The following STAG1 variants were observed in gnomAD, a reference collection of about 807,000 sequenced individuals.
The protein encoded by STAG1 is cohesin subunit SA-1.
In STAG1, 26 loss-of-function variants were observed where a neutral mutation model predicts 170.9. That is an observed-to-expected ratio of 0.15 (90% CI 0.11 to 0.21). The LOEUF is 0.21. Ranked by LOEUF, STAG1 falls within the 10% of genes least tolerant of loss-of-function variation. The probability of loss-of-function intolerance (pLI) is 1.00; values close to 1 mark genes in which losing one functional copy is unlikely to be tolerated. For missense variants in STAG1, 964 were observed against 1,509.5 expected (o/e 0.64, Z 5.99); for synonymous variants, 514 against 497.7 (o/e 1.03, Z -0.44).
chr3:136,719,752 T>C (rs1933118268), intron 1 of STAG1, among the ~76,000 whole-genome samples: 1 of 151,898 alleles, frequency 6.6e-6, no homozygotes, highest in African/African-American at 2.4e-5. Context: ...AGCTAAATAC[T>C]TGACAGGGCA....
intron 9 of STAG1, among the ~76,000 whole-genome samples, chr3:136,494,926 T>C (rs1240990711): frequency 1.3e-5 from 2 of 152,312 alleles, no homozygotes; most frequent in South Asian, 4.1e-4. Context: ...TTACAATCCC[T>C]ATGATAATTT....
chr3:136,662,982 T>C (rs369450161), intron 1 of STAG1, among the ~76,000 whole-genome samples: 1 of 151,786 alleles, frequency 6.6e-6, no homozygotes, highest in Non-Finnish European at 1.5e-5. Context: ...ACCTGGGAGG[T>C]GGAGGTTGCA....
intron 4 of STAG1, among the ~76,000 whole-genome samples, chr3:136,593,588 C>T (rs986131355): frequency 1.3e-5 from 2 of 152,184 alleles, no homozygotes; most frequent in South Asian, 4.1e-4. Flanking sequence ...AATTATTTCA[C>T]AATCCACCAG....
At chr3:136,359,929 T>C (rs767648587) in intron 26 of STAG1, among the ~76,000 whole-genome samples, 1 of 152,232 alleles carries the variant, frequency 6.6e-6, no homozygotes, top group Non-Finnish European at 1.5e-5. Context: ...AAATATAGGG[T>C]TAAGAGGTTT....
Position 136,366,977 on chromosome 3 carries a change from T to C in STAG1, c.2651A>G (p.His884Arg), listed in dbSNP as rs1187817250. 1.2e-6 allele frequency: 2 copies of C among 1,609,884 alleles called. No individual in the cohort carries two copies. The highest frequency in any genetic ancestry group is 1.7e-6 in the Non-Finnish European group (2 of 1,177,178). ...KLIIYDIVDM[H>R]AAADIFKHYM... Reference sequence around the variant, plus strand: ...GTGTTTGAAGATGTCTGCAGCTGCATGCATGTCAACAATGTCATAAATGAT... The same window carrying C: ...GTGTTTGAAGATGTCTGCAGCTGCACGCATGTCAACAATGTCATAAATGAT... Residue 884 changes from histidine to arginine, a missense_variant, in exon 25 of 34, where the codon CAT becomes CGT. This residue lies in a region of STAG1 where 149 missense variants were observed against 301.3 expected (regional missense o/e 0.49). Transcript: ENST00000383202.
At chr3:136,650,037 G>T (rs1321666501) in intron 1 of STAG1, among the ~76,000 whole-genome samples, 1 of 152,002 alleles carries the variant, frequency 6.6e-6, no homozygotes, top group Non-Finnish European at 1.5e-5. Flanking sequence ...AAAGTGCTGG[G>T]ATTACAGGCG....
chr3:136,672,433 T>C (rs538651069), intron 1 of STAG1, among the ~76,000 whole-genome samples: 1 of 152,348 alleles, frequency 6.6e-6, no homozygotes, highest in African/African-American at 2.4e-5. Flanking sequence ...GTGACCAATT[T>C]TGTCTGTATA....
intron 22 of STAG1, 124 bp downstream of exon 22, chr3:136,398,625 T>C (rs1368640619): frequency 2.5e-6 from 1 of 398,788 alleles, no homozygotes; most frequent in African/African-American, 2.2e-5. Flanking sequence ...GTAATAGTCA[T>C]ATATTTTATT....
At chr3:136,717,359 A>G (rs1355590956) in intron 1 of STAG1, among the ~76,000 whole-genome samples, 1 of 152,224 alleles carries the variant, frequency 6.6e-6, no homozygotes, top group African/African-American at 2.4e-5. Context: ...TACTAATGAG[A>G]AATCAATTCT....
In STAG1 at chr3:136,340,468, A is replaced by C. The variant is rs766425862; in HGVS notation, c.3672+23T>G. The C allele has an allele frequency of 1.9e-5, 29 of 1,495,756 alleles. No homozygotes were observed. In the East Asian group the frequency reaches 6.1e-4, roughly 31 times the overall value. 92.7% of individuals were successfully genotyped at this position (1,495,756 alleles called of 1,614,324 possible). A position where few individuals can be genotyped will look rare whatever the true frequency, so the allele number is the denominator to read the frequency against. ...ATGCCCCCACATATTTTAACAAAAG[A>C]AAAATATAGTGAATTTCTCTACCAG... On this transcript the variant is annotated intron_variant, in intron 32 of 33. Transcript: ENST00000383202.
At chr3:136,665,890 A>G (rs1941748176) in intron 1 of STAG1, among the ~76,000 whole-genome samples, 1 of 151,358 alleles carries the variant, frequency 6.6e-6, no homozygotes, top group South Asian at 2.1e-4. Context: ...CCTGGCTAAC[A>G]CAGTGAAACC....
chr3:136,596,185 C>T (rs1410151869), intron 4 of STAG1, among the ~76,000 whole-genome samples: 2 of 152,168 alleles, frequency 1.3e-5, no homozygotes, highest in African/African-American at 2.4e-5. Flanking sequence ...TGGTAAAATG[C>T]TATCAAACAG....
At chr3:136,545,229 C>G (rs551052007) in intron 5 of STAG1, among the ~76,000 whole-genome samples, 1 of 152,110 alleles carries the variant, frequency 6.6e-6, no homozygotes, top group Admixed American at 6.5e-5. Context: ...CTACTAAAAA[C>G]ACAATAAGTT....
chr3:136,693,238 T>G (rs898459156), intron 1 of STAG1, among the ~76,000 whole-genome samples: 2 of 152,234 alleles, frequency 1.3e-5, no homozygotes, highest in African/African-American at 4.8e-5. Context: ...AATGGTTTAT[T>G]AGAAACTCCC....
chr3:136,719,310 T>C (rs765868468), intron 1 of STAG1, among the ~76,000 whole-genome samples: 96 of 151,942 alleles, frequency 6.3e-4, no homozygotes, highest in Non-Finnish European at 1.1e-3. Context: ...AAAAAGCATA[T>C]CTATAGAGAC....
intron 1 of STAG1, among the ~76,000 whole-genome samples, chr3:136,667,365 T>C (rs927959450): frequency 1.3e-5 from 2 of 151,824 alleles, no homozygotes; most frequent in African/African-American, 2.4e-5. Context: ...CTAGACAACA[T>C]AGCAAAACCC....
intron 1 of STAG1, among the ~76,000 whole-genome samples, chr3:136,698,578 C>T (rs1364680555): frequency 2.6e-5 from 4 of 152,232 alleles, no homozygotes; most frequent in Admixed American, 2.0e-4. Flanking sequence ...CTACGGAAAA[C>T]GGTATGGAGA....
At position 136,574,178 on chromosome 3, in the gene STAG1, T is replaced by G. The variant is rs148621072; in HGVS notation, c.298-5317A>C. Among the ~76,000 whole-genome samples the G allele has an allele frequency of 6.4e-3, 977 of 151,748 alleles. 12 individuals are homozygous for G. Among genetic ancestry groups the G allele is most frequent in the African/African-American group, 0.022 (928 of 41,350 alleles). ...ATTGGTTGAACCCGGGAGGTGGAGGTTGCAGTGAGCCGAGATGGTGCCGCT... is the reference window on the plus strand; with the variant it reads ...ATTGGTTGAACCCGGGAGGTGGAGGGTGCAGTGAGCCGAGATGGTGCCGCT... On this transcript the variant is annotated intron_variant, in intron 4 of 33. Coordinates refer to ENST00000383202, the MANE Select transcript of STAG1 (RefSeq NM_005862.3).
chr3:136,663,644 C>T (rs1941653942), intron 1 of STAG1, among the ~76,000 whole-genome samples: 1 of 152,196 alleles, frequency 6.6e-6, no homozygotes, highest in Non-Finnish European at 1.5e-5. Context: ...AAATGTAACA[C>T]TAACTTAGGA....
Sources: allele counts gnomAD v4.1 joint callset (sites outside exome capture counted in the v4.1 genomes callset), GRCh38; gene constraint gnomAD v4.1.1; regional missense constraint gnomAD v4.1.1; transcripts MANE v1.5; gene names NCBI Gene and HGNC (gene_info 2026-07-23, HGNC 2026-07-21).